TM4SF18: variants seen among roughly 807,000 people sequenced by gnomAD.
TM4SF18 encodes transmembrane 4 L6 family member 18.
A neutral mutation model predicts 23.8 loss-of-function variants in TM4SF18; 22 were observed. That is an observed-to-expected ratio of 0.92 (90% CI 0.66 to 1.32). The LOEUF is 1.32. TM4SF18 is among the 40% of genes most tolerant of loss of function. The pLI, the probability that TM4SF18 is intolerant of heterozygous loss-of-function variation, is 0.00. For missense variants in TM4SF18, 255 were observed against 240.3 expected (o/e 1.06, Z -0.41); for synonymous variants, 87 against 87.9 (o/e 0.99, Z 0.06).
In TM4SF18 at chr3:149,333,373, G is replaced by T. The variant is rs766947434; in HGVS notation, c.10C>A (p.Arg4=). ...CAACTTAGGCAGCCTCCACACTTCC[G>T]AGACCCCATTTTGCCCTGCTTAGAA... is the stretch of plus-strand genomic sequence containing the variant. MGS[R]KCGGCLSCLL... Residue 4 remains arginine (R), a synonymous_variant, in exon 2 of 6, where the codon CGG becomes AGG. Transcript: ENST00000296059. The T allele has an allele frequency of 1.2e-5, 19 of 1,610,984 alleles. No individual in the cohort carries two copies. The highest frequency in any genetic ancestry group is 1.6e-5 in the Non-Finnish European group (19 of 1,178,590).
rs537699941 is a variant in TM4SF18 at position 149,318,844 on chromosome 3, G to A, written c.*2634C>T. 3 of 151,972 alleles carry A rather than the reference G, an allele frequency of 2.0e-5. No homozygotes were observed. The highest frequency in any genetic ancestry group is 2.9e-5 in the Non-Finnish European group (2 of 68,002). The allele number at this position is 151,972 out of a possible 1,614,324, so 9.4% of individuals were successfully genotyped here. ...TATACATGTCTACATGTAATTATATGGTTACTTAATTAAAAATTTGGGCTC... is the reference window on the plus strand; with the variant it reads ...TATACATGTCTACATGTAATTATATAGTTACTTAATTAAAAATTTGGGCTC... On this transcript the variant is annotated 3_prime_UTR_variant, in exon 6 of 6. Transcript: ENST00000296059.
chr3:149,325,148 C>T (rs952475879), intron 3 of TM4SF18, 126 bp from the exon 4 acceptor site: 15 of 764,800 alleles, frequency 2.0e-5, no homozygotes, highest in South Asian at 3.3e-5. Context: ...TACTAAATGC[C>T]CACATAGAAA....
intron 4 of TM4SF18, 71 bp downstream of exon 4, chr3:149,324,809 G>A (rs116569142): frequency 0.014 from 22,838 of 1,592,062 alleles, 174 homozygotes; most frequent in Non-Finnish European, 0.018. Flanking sequence ...TGGAAAATGA[G>A]CGTGAGCTTG....
Position 149,319,799 on chromosome 3 carries a change from TGGTCC to T in TM4SF18, c.*1674_*1678del, listed in dbSNP as rs1730764122. The T allele has an allele frequency of 6.6e-6, 1 of 152,264 alleles. No individual in the cohort carries two copies. The allele number at this position is 152,264 out of a possible 1,614,324, so 9.4% of individuals were successfully genotyped here. On this transcript the variant is annotated 3_prime_UTR_variant, in exon 6 of 6. Transcript: ENST00000296059. ...TCCTTTAATCATTTTTTGATGGTAA[TGGTCC>T]GGTTGCTTCATTCTTGGCTTCCTAG...
intron 4 of TM4SF18, among the ~76,000 whole-genome samples, chr3:149,323,440 A>C (rs1244748018): frequency 6.6e-6 from 1 of 152,228 alleles, no homozygotes; most frequent in Non-Finnish European, 1.5e-5. Context: ...TGCTCTGCAC[A>C]GATCATCTAG....
Position 149,321,600 on chromosome 3 carries a change from A to G in TM4SF18, c.592-108T>C, listed in dbSNP as rs921617407. 1.6e-5 allele frequency: 11 copies of G among 675,916 alleles called. No individual in the cohort carries two copies. The African/African-American group carries it at 2.0e-4, about 13-fold the overall frequency. 41.9% of individuals were successfully genotyped at this position (675,916 alleles called of 1,614,324 possible). A position where few individuals can be genotyped will look rare whatever the true frequency, so the allele number is the denominator to read the frequency against. ...ACTTATATTTCATATTCAAAATATG[A>G]TAGAACAGAAAAAACATCTCTTAGA... On this transcript the variant is annotated intron_variant, in intron 5 of 5. Transcript: ENST00000296059.
At chr3:149,324,594 C>A (rs909919580) in intron 4 of TM4SF18, among the ~76,000 whole-genome samples, 15 of 152,184 alleles carry the variant, frequency 9.9e-5, no homozygotes, top group African/African-American at 3.1e-4. Flanking sequence ...AGTAACCACA[C>A]AACTTTAATC....
chr3:149,323,072 AT>A (rs972666698), intron 4 of TM4SF18, among the ~76,000 whole-genome samples: 3 of 151,516 alleles, frequency 2.0e-5, no homozygotes, highest in African/African-American at 7.3e-5. Context: ...AATTTTTTGT[AT>A]TTTTTTAGTA....
rs746166565 is a variant in TM4SF18 at position 149,321,434 on chromosome 3, G to A, written c.*44C>T. On this transcript the variant is annotated 3_prime_UTR_variant, in exon 6 of 6. Coordinates refer to ENST00000296059, the MANE Select transcript of TM4SF18 (RefSeq NM_138786.4). ...GTCTACACAGTTGATATAATATTTA[G>A]ATAGATGGCCATGTCTTGATAATGG... is the stretch of plus-strand genomic sequence containing the variant. 22 of 1,436,776 alleles carry A rather than the reference G, an allele frequency of 1.5e-5. No homozygotes were observed. Among genetic ancestry groups the A allele is most frequent in the Non-Finnish European group, 2.0e-5 (21 of 1,042,674 alleles). The allele number at this position is 1,436,776 out of a possible 1,614,324, so 89.0% of individuals were successfully genotyped here.
intron 2 of TM4SF18, 39 bp from the exon 3 acceptor site, chr3:149,330,458 C>G: frequency 7.2e-7 from 1 of 1,382,430 alleles, no homozygotes; most frequent in Non-Finnish European, 1.0e-6. Context: ...CAATGAAATG[C>G]TAGTTTACAT....
At position 149,319,534 on chromosome 3, in the gene TM4SF18, G is replaced by C. The variant is rs1407121549; in HGVS notation, c.*1944C>G. On this transcript the variant is annotated 3_prime_UTR_variant, in exon 6 of 6. Transcript: ENST00000296059. ...GGGAGACTTCATTTGGATCGTTTTA[G>C]TTGCAATAAACAGAGCTGCACTGAT... is the stretch of plus-strand genomic sequence containing the variant. The C allele has an allele frequency of 6.6e-6, 1 of 152,204 alleles. No homozygotes were observed. Among genetic ancestry groups the C allele is most frequent in the Non-Finnish European group, 1.5e-5 (1 of 68,058 alleles). The allele number at this position is 152,204 out of a possible 1,614,324, so 9.4% of individuals were successfully genotyped here.
In TM4SF18 at chr3:149,321,433, A is replaced by G. The variant is rs779380128; in HGVS notation, c.*45T>C. ...AGTCTACACAGTTGATATAATATTT[A>G]GATAGATGGCCATGTCTTGATAATG... On this transcript the variant is annotated 3_prime_UTR_variant, in exon 6 of 6. Transcript: ENST00000296059. 7.0e-7 allele frequency: 1 copy of G among 1,426,834 alleles called. No individual in the cohort carries two copies. 88.4% of individuals were successfully genotyped at this position (1,426,834 alleles called of 1,614,324 possible).
chr3:149,328,339 A>G (rs1280039030), intron 3 of TM4SF18, among the ~76,000 whole-genome samples: 1 of 152,144 alleles, frequency 6.6e-6, no homozygotes, highest in Non-Finnish European at 1.5e-5. Context: ...TTATAAGGGC[A>G]CCACTCTCAT....
intron 3 of TM4SF18, 103 bp from the exon 4 acceptor site, chr3:149,325,125 G>T: frequency 8.7e-7 from 1 of 1,153,420 alleles, no homozygotes; most frequent in South Asian, 1.4e-5. Flanking sequence ...CCAAGCTCAT[G>T]CAGTCTATAC....
At chr3:149,322,190 C>T (rs932603674) in intron 5 of TM4SF18, 66 bp downstream of exon 5, 1 of 1,372,046 alleles carries the variant, frequency 7.3e-7, no homozygotes, top group African/African-American at 1.5e-5. Flanking sequence ...TTTCAAAAAG[C>T]CTCATTGAAT....
In TM4SF18 at chr3:149,333,275, G is replaced by T; in HGVS notation, c.108C>A (p.Ser36=). Residue 36 remains serine (S), a synonymous_variant, in exon 2 of 6, where the codon TCC becomes TCA. Coordinates refer to ENST00000296059, the MANE Select transcript of TM4SF18 (RefSeq NM_138786.4). ...ILLYFPNGQT[S]YASSNKLTNY... ...TGGTGAGTTTATTGCTGGATGCATA[G>T]GAAGTTTGCCCATTCGGGAAATACA... 1 of 1,613,862 alleles carries T rather than the reference G, an allele frequency of 6.2e-7. No individual in the cohort carries two copies. The highest frequency in any genetic ancestry group is 1.1e-5 in the South Asian group (1 of 91,050).
At chr3:149,333,462 T>G in intron 1 of TM4SF18, 51 bp downstream of exon 1, 1 of 836,680 alleles carries the variant, frequency 1.2e-6, no homozygotes, top group East Asian at 3.3e-5. Flanking sequence ...CTACCTGACC[T>G]TTTTTTTCTC....
intron 4 of TM4SF18, among the ~76,000 whole-genome samples, chr3:149,324,173 T>C (rs1415786188): frequency 6.6e-6 from 1 of 152,204 alleles, no homozygotes; most frequent in Non-Finnish European, 1.5e-5. Context: ...AATCTGCATC[T>C]GGTGCTGGGA....
At chr3:149,332,740 G>T (rs993108746) in intron 2 of TM4SF18, among the ~76,000 whole-genome samples, 1 of 152,130 alleles carries the variant, frequency 6.6e-6, no homozygotes, top group East Asian at 1.9e-4. Context: ...CTTGCTGAAG[G>T]TCTCATGGAA....
Sources: allele counts gnomAD v4.1 joint callset (sites outside exome capture counted in the v4.1 genomes callset), GRCh38; gene constraint gnomAD v4.1.1; transcripts MANE v1.5; gene names NCBI Gene and HGNC (gene_info 2026-07-23, HGNC 2026-07-21).